ABLIM2: variants seen among roughly 807,000 people sequenced by gnomAD.
The protein encoded by ABLIM2 is actin-binding LIM protein 2.
Under a neutral mutation model 97.7 loss-of-function variants are expected in ABLIM2, and 53 were observed. The ratio of observed to expected loss-of-function variants is 0.54; its 90% CI spans 0.44 to 0.68. ABLIM2 has a LOEUF of 0.68. Among genes scored for constraint, ABLIM2 ranks in the 30% least tolerant of loss-of-function variants. The pLI is 0.00. For missense variants in ABLIM2, 835 were observed against 867.2 expected (o/e 0.96, Z 0.47); for synonymous variants, 361 against 345.8 (o/e 1.04, Z -0.49).
Position 8,085,710 on chromosome 4 carries a change from G to A in ABLIM2, c.454+2459C>T, listed in dbSNP as rs989915643. On this transcript the variant is annotated intron_variant, in intron 4 of 20. Coordinates refer to ENST00000447017, the MANE Select transcript of ABLIM2 (RefSeq NM_001130083.2). The surrounding 1 kb of genome is among the most constrained non-coding windows in gnomAD (Gnocchi z 6.1). ...CTGGGGGTGCCCACGCTGCAGCCCC[G>A]TCCACTCACGCGGGTCTGGGGGGTG... Among the ~76,000 whole-genome samples, 15 of 152,020 alleles carry A rather than the reference G, an allele frequency of 9.9e-5. No homozygotes were observed. Among genetic ancestry groups the A allele is most frequent in the South Asian group, 2.1e-4 (1 of 4,830 alleles).
intron 14 of ABLIM2, among the ~76,000 whole-genome samples, chr4:8,011,410 T>C (rs1481151979): frequency 1.3e-5 from 2 of 152,214 alleles, no homozygotes; most frequent in Admixed American, 6.5e-5. Flanking sequence ...AACTAGGAGC[T>C]TGGGTAGGAA....
chr4:8,007,738 C>T lies in ABLIM2; in HGVS notation c.1618+321G>A, dbSNP rs553842723. 135 of 1,102,734 alleles carry T rather than the reference C, an allele frequency of 1.2e-4. No homozygotes were observed. The African/African-American group carries it at 1.6e-3, about 13-fold the overall frequency. The allele number at this position is 1,102,734 out of a possible 1,614,324, so 68.3% of individuals were successfully genotyped here. On this transcript the variant is annotated intron_variant, in intron 16 of 20. Transcript: ENST00000447017. ...TGGAGGGAACAGGCCCTGACTTCCACCCGGCAGCCCGGACGCCTTTCTCCT... is the reference window on the plus strand; with the variant it reads ...TGGAGGGAACAGGCCCTGACTTCCATCCGGCAGCCCGGACGCCTTTCTCCT...
At chr4:8,101,789 C>G (rs1179196516) in intron 2 of ABLIM2, among the ~76,000 whole-genome samples, 1 of 152,240 alleles carries the variant, frequency 6.6e-6, no homozygotes, top group Non-Finnish European at 1.5e-5. Flanking sequence ...ATTCCCAAAG[C>G]ACAGAGCTCA....
Position 8,002,087 on chromosome 4 carries a change from C to G in ABLIM2, c.1618+5972G>C, listed in dbSNP as rs1757610502. Among the ~76,000 whole-genome samples, 1 of 152,172 alleles carries G rather than the reference C, an allele frequency of 6.6e-6. No homozygotes were observed. The stretch of plus-strand genomic sequence containing the variant: ...AAGGAACACAAACTCAGGACACAGC[C>G]ACGTACTCACAGTTGGAGTGGCTGG... On this transcript the variant is annotated intron_variant, in intron 16 of 20. Coordinates refer to ENST00000447017, the MANE Select transcript of ABLIM2 (RefSeq NM_001130083.2). The surrounding 1 kb of genome is among the most constrained non-coding windows in gnomAD (Gnocchi z 6.1).
rs1486490976 is a variant in ABLIM2, at chr4:8,044,636, G to A, written c.900+528C>T. Among the ~76,000 whole-genome samples the A allele has an allele frequency of 3.1e-5, 4 of 127,682 alleles. No individual in the cohort carries two copies. Among genetic ancestry groups the A allele is most frequent in the East Asian group, 5.3e-4 (2 of 3,756 alleles). 83.8% of individuals were successfully genotyped at this position (127,682 alleles called of 152,430 possible). A position where few individuals can be genotyped will look rare whatever the true frequency, so the allele number is the denominator to read the frequency against. On this transcript the variant is annotated intron_variant, in intron 9 of 20. Coordinates refer to ENST00000447017, the MANE Select transcript of ABLIM2 (RefSeq NM_001130083.2). This position sits in a 1 kb window ranked among gnomAD's most constrained non-coding sequence, Gnocchi z 4.4. Reference sequence around the variant, plus strand: ...ATGTGATTATGGAAGCGTGTGAGGCGCACAGACACACACACACACACACAC... The same window carrying A: ...ATGTGATTATGGAAGCGTGTGAGGCACACAGACACACACACACACACACAC...
At chr4:8,014,705 C>G (rs750958636) in intron 14 of ABLIM2, among the ~76,000 whole-genome samples, 94 of 152,330 alleles carry the variant, frequency 6.2e-4, no homozygotes, top group Non-Finnish European at 1.3e-3. Flanking sequence ...ATCCCTTGGA[C>G]AAATTAATGA....
chr4:8,106,780 C>T (rs779718421), intron 1 of ABLIM2, 143 bp from the exon 2 acceptor site: 10 of 1,046,658 alleles, frequency 9.6e-6, no homozygotes, highest in Non-Finnish European at 1.3e-5. Context: ...GCATCGGGGT[C>T]GGTCTGTTGT....
At chr4:8,018,981 A>C (rs1389293793) in intron 14 of ABLIM2, among the ~76,000 whole-genome samples, 1 of 152,162 alleles carries the variant, frequency 6.6e-6, no homozygotes, top group Non-Finnish European at 1.5e-5. Context: ...AATCACCCAG[A>C]AATCCCAGGA....
rs1011751993 is a variant in ABLIM2, at chr4:8,022,084, T to G, written c.1268-1781A>C. 9.2e-5 allele frequency among the ~76,000 whole-genome samples: 14 copies of G among 152,190 alleles called. No individual in the cohort carries two copies. The highest frequency in any genetic ancestry group is 1.6e-4 in the Non-Finnish European group (11 of 68,032). On this transcript the variant is annotated intron_variant, in intron 12 of 20. Coordinates refer to ENST00000447017, the MANE Select transcript of ABLIM2 (RefSeq NM_001130083.2). The surrounding 1 kb of genome is among the most constrained non-coding windows in gnomAD (Gnocchi z 7.8). ...GGATCCCTCCTACCGACTACGGCTG[T>G]GCTGGACCCATCCCCACTGGCAGCA...
At chr4:8,040,841 G>T (rs938608804) in intron 9 of ABLIM2, among the ~76,000 whole-genome samples, 2 of 152,200 alleles carry the variant, frequency 1.3e-5, no homozygotes, top group Admixed American at 1.3e-4. Flanking sequence ...GGTGCTTGGA[G>T]CACGTGTCAG....
intron 7 of ABLIM2, among the ~76,000 whole-genome samples, chr4:8,056,760 G>A (rs1042030089): frequency 5.9e-5 from 9 of 151,342 alleles, no homozygotes; most frequent in South Asian, 4.2e-4. Flanking sequence ...GTGAAACCCC[G>A]TCTCTACTAA....
chr4:7,974,205 A>G (rs1455210299), intron 20 of ABLIM2, among the ~76,000 whole-genome samples: 1 of 151,782 alleles, frequency 6.6e-6, no homozygotes, highest in African/African-American at 2.4e-5. Flanking sequence ...CCATCCATCC[A>G]CCCACCTACC....
chr4:7,974,410 TCCAC>T (rs1245778291), intron 20 of ABLIM2, among the ~76,000 whole-genome samples: 6 of 125,498 alleles, frequency 4.8e-5, no homozygotes, highest in African/African-American at 5.9e-5. Flanking sequence ...CACCCATCCA[TCCAC>T]CAATCCATCC....
intron 1 of ABLIM2, among the ~76,000 whole-genome samples, chr4:8,154,129 A>AT (rs533065195): frequency 2.7e-5 from 4 of 148,614 alleles, no homozygotes; most frequent in African/African-American, 7.5e-5. Flanking sequence ...CGCCCAGCTA[A>AT]TTTTTTGTAT....
In ABLIM2 at chr4:7,986,300, A is replaced by G. The variant is rs890478674; in HGVS notation, c.1681-1407T>C. The stretch of plus-strand genomic sequence containing the variant: ...GTTACAGCCTAGAGAGCACGAGAGC[A>G]GGAAGACCTCAGAGGGCACCGAGTC... On this transcript the variant is annotated intron_variant, in intron 17 of 20. Transcript: ENST00000447017. This position sits in a 1 kb window ranked among gnomAD's most constrained non-coding sequence, Gnocchi z 4.3. Among the ~76,000 whole-genome samples, 1 of 152,178 alleles carries G rather than the reference A, an allele frequency of 6.6e-6. No individual in the cohort carries two copies. Among genetic ancestry groups the G allele is most frequent in the African/African-American group, 2.4e-5 (1 of 41,460 alleles).
intron 8 of ABLIM2, among the ~76,000 whole-genome samples, chr4:8,045,910 G>C (rs1044041760): frequency 6.6e-6 from 1 of 152,068 alleles, no homozygotes; most frequent in African/African-American, 2.4e-5. Flanking sequence ...GGACCATCTT[G>C]GTCACCCTGA....
At position 8,019,741 on chromosome 4, in the gene ABLIM2, T is replaced by A; in HGVS notation, c.1370-70A>T. The A allele has an allele frequency of 6.9e-7, 1 of 1,454,606 alleles. No individual in the cohort carries two copies. Among genetic ancestry groups the A allele is most frequent in the Non-Finnish European group, 9.6e-7 (1 of 1,046,010 alleles). The allele number at this position is 1,454,606 out of a possible 1,614,324, so 90.1% of individuals were successfully genotyped here. On this transcript the variant is annotated intron_variant, in intron 13 of 20. Coordinates refer to ENST00000447017, the MANE Select transcript of ABLIM2 (RefSeq NM_001130083.2). This position sits in a 1 kb window ranked among gnomAD's most constrained non-coding sequence, Gnocchi z 4.3. ...CAGCAAGTTGTGATGGTTTCTGTTC[T>A]ACAGCTTTTTGTAAGCAACAAGCAC...
At chr4:7,983,372 C>T (rs1174473260) in intron 19 of ABLIM2, 28 bp from the exon 20 acceptor site, 1 of 1,604,240 alleles carries the variant, frequency 6.2e-7, no homozygotes, top group Non-Finnish European at 8.5e-7. Flanking sequence ...CACAGGGTCA[C>T]CTCACGAAGC....
At chr4:8,081,114 G>A (rs528577126) in intron 4 of ABLIM2, among the ~76,000 whole-genome samples, 8 of 152,166 alleles carry the variant, frequency 5.3e-5, no homozygotes, top group African/African-American at 9.6e-5. Flanking sequence ...TCCTGGCACC[G>A]AGACGTACCA....
Sources: gnomAD v4.1 joint callset for allele counts (sites outside exome capture counted in the v4.1 genomes callset) on GRCh38, gnomAD v4.1.1 for gene constraint, Gnocchi (gnomAD v3.1) non-coding constraint, MANE v1.5 for transcripts, NCBI Gene and HGNC (gene_info 2026-07-23, HGNC 2026-07-21) for gene names.